The following HIP1 variants were observed in gnomAD, a reference collection of about 807,000 sequenced individuals.
HIP1 encodes huntingtin-interacting protein 1.
In HIP1, 65 loss-of-function variants were observed where a neutral mutation model predicts 147.6. The observed-to-expected ratio is 0.44, with a 90% CI of 0.36 to 0.54. The LOEUF (loss-of-function observed/expected upper bound fraction) is 0.54, where lower values mean the gene tolerates loss of function less well. HIP1 is among the 20% of genes least tolerant of loss of function. The pLI, the probability that HIP1 is intolerant of heterozygous loss-of-function variation, is 0.00. For synonymous variants in HIP1, 479 were observed against 504.0 expected (o/e 0.95, Z 0.67); for missense variants, 1,061 against 1,299.6 (o/e 0.82, Z 2.82).
chr7:75,576,407 G>A (rs1795847418), intron 7 of HIP1, among the ~76,000 whole-genome samples: 1 of 152,142 alleles, frequency 6.6e-6, no homozygotes, highest in African/African-American at 2.4e-5. Flanking sequence ...ATGTCAGTGG[G>A]TGTCAAAAGT....
intron 20 of HIP1, 66 bp downstream of exon 20, chr7:75,554,374 T>C (rs1794911545): frequency 6.4e-6 from 9 of 1,407,058 alleles, no homozygotes; most frequent in Non-Finnish European, 8.1e-6. Flanking sequence ...TATCCCCGCA[T>C]TCAGGTGCTT....
intron 1 of HIP1, among the ~76,000 whole-genome samples, chr7:75,648,381 G>T (rs1266345727): frequency 6.6e-6 from 1 of 152,100 alleles, no homozygotes; most frequent in Non-Finnish European, 1.5e-5. Flanking sequence ...GAGTCACTGG[G>T]CAGGGTCATG....
chr7:75,725,126 C>A (rs182582097), intron 1 of HIP1, among the ~76,000 whole-genome samples: 1 of 152,042 alleles, frequency 6.6e-6, no homozygotes, highest in East Asian at 1.9e-4. Flanking sequence ...TGGGCTCAAG[C>A]GATCCTCCCA....
chr7:75,715,244 C>T (rs976606296), intron 1 of HIP1, among the ~76,000 whole-genome samples: 10 of 151,540 alleles, frequency 6.6e-5, no homozygotes, highest in Non-Finnish European at 1.3e-4. Context: ...TTAAAAACTT[C>T]GCTGGGCATG....
intron 27 of HIP1, among the ~76,000 whole-genome samples, chr7:75,543,392 C>T (rs1362426433): frequency 6.6e-6 from 1 of 152,084 alleles, no homozygotes; most frequent in Non-Finnish European, 1.5e-5. Flanking sequence ...GCTCTTGTTG[C>T]TCAGGCTGGA....
intron 7 of HIP1, among the ~76,000 whole-genome samples, chr7:75,574,173 A>G (rs1329597729): frequency 6.6e-6 from 1 of 152,110 alleles, no homozygotes; most frequent in East Asian, 1.9e-4. Context: ...CATGCCTGTA[A>G]TCCCAGCTAC....
intron 1 of HIP1, among the ~76,000 whole-genome samples, chr7:75,676,435 A>G (rs1464177042): frequency 6.6e-6 from 1 of 152,196 alleles, no homozygotes; most frequent in African/African-American, 2.4e-5. Context: ...CACGCAGCCA[A>G]CACACGCACA....
Position 75,551,189 on chromosome 7 carries a change from A to ATTTTTTTTTTTTTTTTTTTTTT in HIP1, c.2296-2210_2296-2189dup, listed in dbSNP as rs55679922. ...TAGGGAGGCAAAGATGTAGATGATA[A>ATTTTTTTTTTTTTTTTTTTTTT]TTTTTTTTTTTTTTTTTTTTTTTTT... On this transcript the variant is annotated intron_variant, in intron 22 of 30. Coordinates refer to ENST00000336926, the MANE Select transcript of HIP1 (RefSeq NM_005338.7). 3.0e-4 allele frequency among the ~76,000 whole-genome samples: 23 copies of ATTTTTTTTTTTTTTTTTTTTTT among 77,412 alleles called. 4 individuals are homozygous for ATTTTTTTTTTTTTTTTTTTTTT. The highest frequency in any genetic ancestry group is 9.5e-4 in the African/African-American group (14 of 14,714). 50.8% of individuals were successfully genotyped at this position (77,412 alleles called of 152,430 possible). A position where few individuals can be genotyped will look rare whatever the true frequency, so the allele number is the denominator to read the frequency against.
In HIP1 at chr7:75,554,183, G is replaced by C; in HGVS notation, c.2088C>G (p.Ala696=). ...GAGCAATGGCGTCGCTGGTCAAGTG[G>C]GCCAGCAGGGTTATGGAATGGAGAA... ...SGLLHSITLL[A]HLTSDAIAHG... Residue 696 remains alanine (A), a synonymous_variant, in exon 21 of 31, where the codon GCC becomes GCG. Transcript: ENST00000336926. 12 of 1,614,068 alleles carry C rather than the reference G, an allele frequency of 7.4e-6. No homozygotes were observed. The highest frequency in any genetic ancestry group is 1.0e-5 in the Non-Finnish European group (12 of 1,180,018).
chr7:75,670,096 C>T (rs935909365), intron 1 of HIP1, among the ~76,000 whole-genome samples: 3 of 145,422 alleles, frequency 2.1e-5, no homozygotes, highest in East Asian at 2.0e-4. Flanking sequence ...CCACCATGCC[C>T]GGCCTTAAAA....
chr7:75,563,962 A>G (rs1486278727), intron 9 of HIP1, among the ~76,000 whole-genome samples: 1 of 152,106 alleles, frequency 6.6e-6, no homozygotes, highest in Non-Finnish European at 1.5e-5. Flanking sequence ...GTGCAATCAG[A>G]GCTCATTGCA....
At chr7:75,550,652 ATCC>A (rs1554491932) in intron 22 of HIP1, among the ~76,000 whole-genome samples, 1 of 152,088 alleles carries the variant, frequency 6.6e-6, no homozygotes, top group African/African-American at 2.4e-5. Flanking sequence ...GCCTCAAGTG[ATCC>A]TCCCGCTTCG....
rs587682814 is a variant in HIP1 at position 75,535,782 on chromosome 7, G to T, written c.*2390C>A. The T allele has an allele frequency of 5.8e-6, 1 of 170,962 alleles. No individual in the cohort carries two copies. The highest frequency in any genetic ancestry group is 1.1e-4 in the East Asian group (1 of 9,292). 10.6% of individuals were successfully genotyped at this position (170,962 alleles called of 1,614,324 possible). On this transcript the variant is annotated 3_prime_UTR_variant, in exon 31 of 31. Coordinates refer to ENST00000336926, the MANE Select transcript of HIP1 (RefSeq NM_005338.7). The stretch of plus-strand genomic sequence containing the variant: ...GCTGGAGTACAATGGCGTGATCTCA[G>T]CTCACTGCAACCTCTGCCTCTGGGG...
chr7:75,585,612 C>T (rs1280233498), intron 5 of HIP1, among the ~76,000 whole-genome samples: 3 of 151,918 alleles, frequency 2.0e-5, no homozygotes, highest in African/African-American at 7.3e-5. Context: ...TGCTTCTTCG[C>T]CTTGCAATCC....
intron 1 of HIP1, among the ~76,000 whole-genome samples, chr7:75,703,112 G>C (rs1800885714): frequency 1.3e-5 from 2 of 152,208 alleles, no homozygotes; most frequent in Admixed American, 6.5e-5. Flanking sequence ...CACACTGGGA[G>C]GCCGAGGCAG....
At chr7:75,668,610 C>T (rs1584936422) in intron 1 of HIP1, among the ~76,000 whole-genome samples, 4 of 152,042 alleles carry the variant, frequency 2.6e-5, no homozygotes, top group Admixed American at 2.6e-4. Flanking sequence ...CAGGCATGAG[C>T]CACCACCCCT....
intron 1 of HIP1, among the ~76,000 whole-genome samples, chr7:75,686,360 T>C (rs1349931863): frequency 6.6e-6 from 1 of 152,218 alleles, no homozygotes; most frequent in African/African-American, 2.4e-5. Context: ...TTTAAAAGCT[T>C]TGGTTTTCGC....
intron 25 of HIP1, among the ~76,000 whole-genome samples, chr7:75,546,528 A>G (rs1268170206): frequency 6.6e-6 from 1 of 152,280 alleles, no homozygotes; most frequent in African/African-American, 2.4e-5. Flanking sequence ...AGAGGCTGAC[A>G]GCAGAGTCTA....
At chr7:75,672,879 G>A (rs1327017839) in intron 1 of HIP1, among the ~76,000 whole-genome samples, 2 of 152,180 alleles carry the variant, frequency 1.3e-5, no homozygotes, top group Admixed American at 1.3e-4. Flanking sequence ...CATCCTTGTT[G>A]ACTATCAATT....
Sources: gnomAD v4.1 joint callset for allele counts (sites outside exome capture counted in the v4.1 genomes callset) on GRCh38, gnomAD v4.1.1 for gene constraint, MANE v1.5 for transcripts, NCBI Gene and HGNC (gene_info 2026-07-23, HGNC 2026-07-21) for gene names.